CYREN: variants seen among roughly 807,000 people sequenced by gnomAD.
The protein encoded by CYREN is cell cycle regulator of non-homologous end joining.
CYREN carries 7 observed loss-of-function variants against 9.7 expected under a neutral mutation model. That is an observed-to-expected ratio of 0.72 (90% confidence interval 0.41 to 1.36). The LOEUF is 1.36. CYREN is among the 40% of genes most tolerant of loss of function. The pLI, the probability that CYREN is intolerant of heterozygous loss-of-function variation, is 0.01. For missense variants in CYREN, 215 were observed against 198.1 expected, an observed-to-expected ratio of 1.09 and a Z score of -0.51; for synonymous variants, 76 against 77.9, an observed-to-expected ratio of 0.98 and a Z score of 0.13.
chr7:135,133,669 A>AG (rs1829098126), intron 2 of CYREN, among the ~76,000 whole-genome samples: 1 of 152,194 alleles, frequency 6.6e-6, no homozygotes, highest in South Asian at 2.1e-4. Context: ...AATTCAATGG[A>AG]GAAAAAAGAG....
chr7:135,099,851 G>C (rs1042342320), intron 2 of CYREN: 36 of 139,534 alleles, frequency 2.6e-4, no homozygotes, highest in African/African-American at 9.5e-4. Context: ...ATTTATTTCT[G>C]TGCATTTAGC....
intron 2 of CYREN, among the ~76,000 whole-genome samples, chr7:135,139,823 T>C (rs1013652946): frequency 6.6e-6 from 1 of 152,168 alleles, no homozygotes; most frequent in East Asian, 1.9e-4. Context: ...ATTTATTGAA[T>C]AGGGTGCTCT....
rs545168819 is a variant in CYREN at position 135,166,276 on chromosome 7, C to A, written c.*335G>T. The A allele has an allele frequency of 2.9e-5, 7 of 239,696 alleles. No homozygotes were observed. Among genetic ancestry groups the A allele is most frequent in the African/African-American group, 1.1e-4 (5 of 44,810 alleles). The allele number at this position is 239,696 out of a possible 1,614,324, so 14.8% of individuals were successfully genotyped here. The stretch of plus-strand genomic sequence containing the variant: ...TCTTTGGTTCCAGTAAGTTGGACCA[C>A]CACATGACATCATTTTCCCTGGAAC... On this transcript the variant is annotated 3_prime_UTR_variant, in exon 4 of 4. Transcript: ENST00000393114.
At chr7:135,153,313 G>A (rs915527382) in intron 2 of CYREN, among the ~76,000 whole-genome samples, 4 of 151,964 alleles carry the variant, frequency 2.6e-5, no homozygotes, top group African/African-American at 9.7e-5. Flanking sequence ...AATTAGCTGG[G>A]CATGGTGTCA....
At chr7:135,117,494 A>C (rs1231245362) in intron 2 of CYREN, among the ~76,000 whole-genome samples, 2 of 152,240 alleles carry the variant, frequency 1.3e-5, no homozygotes, top group Non-Finnish European at 2.9e-5. Context: ...ATGGTTTAGC[A>C]AAGTGTGATC....
At chr7:135,118,550 C>T (rs543736530) in intron 2 of CYREN, among the ~76,000 whole-genome samples, 23 of 152,162 alleles carry the variant, frequency 1.5e-4, no homozygotes, top group African/African-American at 5.3e-4. Context: ...TAACAAAAAG[C>T]CAAAACAGAG....
At chr7:135,158,748 G>T (rs1403650499) in intron 2 of CYREN, among the ~76,000 whole-genome samples, 1 of 152,134 alleles carries the variant, frequency 6.6e-6, no homozygotes, top group African/African-American at 2.4e-5. Flanking sequence ...TGTCTCAATA[G>T]CAGCCCACAG....
intron 2 of CYREN, among the ~76,000 whole-genome samples, chr7:135,117,351 C>G (rs1191471997): frequency 2.2e-5 from 3 of 134,820 alleles, no homozygotes; most frequent in Admixed American, 1.5e-4. Flanking sequence ...GGCTTAAGAA[C>G]AGAACAGACA....
At chr7:135,170,944 G>A (rs1198008353), upstream of CYREN, 2 of 152,266 alleles carry the variant, frequency 1.3e-5, no homozygotes, top group Non-Finnish European at 2.9e-5. Context: ...CAGCGCCACC[G>A]GCTTGAGGAG....
At chr7:135,132,114 A>C (rs925846773) in intron 2 of CYREN, among the ~76,000 whole-genome samples, 1 of 152,210 alleles carries the variant, frequency 6.6e-6, no homozygotes, top group African/African-American at 2.4e-5. Flanking sequence ...ATTAATACCA[A>C]TTCTATACAA....
intron 2 of CYREN, among the ~76,000 whole-genome samples, chr7:135,147,050 C>G (rs914203460): frequency 6.6e-6 from 1 of 152,106 alleles, no homozygotes; most frequent in East Asian, 1.9e-4. Context: ...ACTAAATATA[C>G]AGAAATTCCA....
intron 2 of CYREN, among the ~76,000 whole-genome samples, chr7:135,116,158 T>C (rs779782498): frequency 3.3e-5 from 5 of 152,236 alleles, no homozygotes; most frequent in African/African-American, 4.8e-5. Flanking sequence ...TCCTATGTGC[T>C]ACACACCGTT....
At chr7:135,124,220 C>CAAAAAA (rs369396148) in intron 2 of CYREN, among the ~76,000 whole-genome samples, 2 of 138,190 alleles carry the variant, frequency 1.4e-5, no homozygotes, top group Non-Finnish European at 1.6e-5. Context: ...AAATGGAAAG[C>CAAAAAA]AAAAAAAAAA....
In CYREN at chr7:135,112,597, T is replaced by C. The variant is rs1037796673; in HGVS notation, n.357-18015A>G. Among the ~76,000 whole-genome samples, 6 of 152,320 alleles carry C rather than the reference T, an allele frequency of 3.9e-5. No individual in the cohort carries two copies. In the South Asian group the frequency reaches 6.2e-4, roughly 16 times the overall value. On this transcript the variant is annotated intron_variant and non_coding_transcript_variant, in intron 2 of 2. Transcript: ENST00000459937. ...TTGCCCCCATCTATAAGTATGGCTA[T>C]AAGTATATGTATGTAGTGAGTGCCC...
At chr7:135,147,089 T>C (rs1829561975) in intron 2 of CYREN, among the ~76,000 whole-genome samples, 1 of 152,210 alleles carries the variant, frequency 6.6e-6, no homozygotes, top group Non-Finnish European at 1.5e-5. Flanking sequence ...ACCATTACTA[T>C]GGTCCCAGTA....
intron 2 of CYREN, among the ~76,000 whole-genome samples, chr7:135,095,324 TAATAA>T (rs1822503029): frequency 6.6e-6 from 1 of 152,154 alleles, no homozygotes; most frequent in Non-Finnish European, 1.5e-5. Context: ...GACTCCAGTA[TAATAA>T]CAGTGGTTTA....
intron 2 of CYREN, among the ~76,000 whole-genome samples, chr7:135,140,408 AT>A (rs34970616): frequency 0.19 from 29,028 of 151,962 alleles, 3,261 homozygotes; most frequent in African/African-American, 0.31. Flanking sequence ...TTGTACATTG[AT>A]TTTGTATCCT....
chr7:135,103,408 G>C (rs1219955133), intron 2 of CYREN, among the ~76,000 whole-genome samples: 1 of 152,084 alleles, frequency 6.6e-6, no homozygotes, highest in African/African-American at 2.4e-5. Context: ...ATCTGTTCTT[G>C]AATCAAACTC....
downstream of CYREN, chr7:135,164,914 A>G (rs1024808998): frequency 5.6e-6 from 9 of 1,614,178 alleles, no homozygotes; most frequent in Non-Finnish European, 6.8e-6. Context: ...GGCAGCGCCC[A>G]GGCCTTACTC....
Sources: gnomAD v4.1 joint callset for allele counts (sites outside exome capture counted in the v4.1 genomes callset) on GRCh38, gnomAD v4.1.1 for gene constraint, MANE v1.5 for transcripts, NCBI Gene and HGNC (gene_info 2026-07-23, HGNC 2026-07-21) for gene names.